The following PPFIBP2 variants were observed in gnomAD, a reference collection of about 807,000 sequenced individuals.
PPFIBP2 encodes PPFIB scaffold protein 2.
PPFIBP2 carries 118 observed loss-of-function variants against 118.3 expected under a neutral mutation model. The observed-to-expected ratio is 1.00, with a 90% CI of 0.86 to 1.16. The LOEUF (loss-of-function observed/expected upper bound fraction) is 1.16, where lower values mean the gene tolerates loss of function less well. Among genes scored for constraint, PPFIBP2 ranks in the 50% most tolerant of loss-of-function variants. PPFIBP2 has a pLI of 0.00. For synonymous variants in PPFIBP2, 414 were observed against 397.4 expected (o/e 1.04, Z -0.50); for missense variants, 1,195 against 1,073.1 (o/e 1.11, Z -1.59).
chr11:7,634,580 T>C, intron 13 of PPFIBP2, 28 bp downstream of exon 13: 1 of 1,591,842 alleles, frequency 6.3e-7, no homozygotes, highest in Non-Finnish European at 8.6e-7. Flanking sequence ...TCCTTAAAGA[T>C]GACTGAGTTA....
At chr11:7,607,137 C>T (rs1847471484) in intron 5 of PPFIBP2, among the ~76,000 whole-genome samples, 1 of 150,534 alleles carries the variant, frequency 6.6e-6, no homozygotes, top group Admixed American at 6.6e-5. Flanking sequence ...GTCTCAATCT[C>T]CTGACCTCGT....
At chr11:7,562,442 A>G (rs577999163) in intron 2 of PPFIBP2, among the ~76,000 whole-genome samples, 6 of 152,234 alleles carry the variant, frequency 3.9e-5, no homozygotes, top group Non-Finnish European at 8.8e-5. Flanking sequence ...AAGGAGTCAC[A>G]GTGCTCTTTA....
intron 1 of PPFIBP2, among the ~76,000 whole-genome samples, chr11:7,518,772 CTT>C (rs954973159): frequency 6.6e-6 from 1 of 152,160 alleles, no homozygotes; most frequent in African/African-American, 2.4e-5. Context: ...AACATGAACT[CTT>C]AACAATACCT....
In PPFIBP2 at chr11:7,548,866, T is replaced by C. The variant is rs554760163; in HGVS notation, c.-36-574T>C. ...GTGCTGTCTCTACATCCTTGTGGCC[T>C]GTAGACTTCCTAGGCAGTGCACCCT... On this transcript the variant is annotated intron_variant, in intron 1 of 23. Coordinates refer to ENST00000299492, the MANE Select transcript of PPFIBP2 (RefSeq NM_003621.5). 2.0e-5 allele frequency among the ~76,000 whole-genome samples: 3 copies of C among 152,240 alleles called. No individual in the cohort carries two copies. In the East Asian group the frequency reaches 5.8e-4, roughly 29 times the overall value.
In PPFIBP2 at chr11:7,648,511, A is replaced by G. The variant is rs750628832; in HGVS notation, c.1771A>G (p.Thr591Ala). 2 of 1,613,866 alleles carry G rather than the reference A, an allele frequency of 1.2e-6. No individual in the cohort carries two copies. Among genetic ancestry groups the G allele is most frequent in the Admixed American group, 1.7e-5 (1 of 59,990 alleles). Residue 591 changes from threonine (T) to alanine (A), a missense_variant, in exon 18 of 24, where the codon ACA becomes GCA. By Grantham distance (58) the Thr-to-Ala change is moderately conservative (BLOSUM62 0). Coordinates refer to ENST00000299492, the MANE Select transcript of PPFIBP2 (RefSeq NM_003621.5). ...GGTATCTTCTGGCCACACCTTATTG[A>G]CAGCCACCCCTCAGGACATGGAAAA... ...QWVSSGHTLLTATPQDMEKEL... is the reference protein window; with the variant it reads ...QWVSSGHTLLAATPQDMEKEL...
chr11:7,548,062 C>T (rs982281780), intron 1 of PPFIBP2, among the ~76,000 whole-genome samples: 1 of 152,162 alleles, frequency 6.6e-6, no homozygotes, highest in Non-Finnish European at 1.5e-5. Context: ...AAGGAATGTG[C>T]TTAGTGCTCT....
intron 7 of PPFIBP2, among the ~76,000 whole-genome samples, chr11:7,622,296 G>T (rs139276815): frequency 6.6e-6 from 1 of 152,312 alleles, no homozygotes; most frequent in Non-Finnish European, 1.5e-5. Flanking sequence ...CACCAAGAGG[G>T]TGGTGCCACC....
intron 6 of PPFIBP2, among the ~76,000 whole-genome samples, chr11:7,619,213 T>C (rs76240628): frequency 0.017 from 2,575 of 152,288 alleles, 80 homozygotes; most frequent in African/African-American, 0.059. Flanking sequence ...TTGCAAATTA[T>C]GTAGGAGGTA....
intron 17 of PPFIBP2, 170 bp from the exon 18 acceptor site, chr11:7,648,217 G>A: frequency 1.5e-6 from 1 of 650,262 alleles, no homozygotes; most frequent in African/African-American, 1.8e-5. Context: ...TCCTATGAGT[G>A]TGTTGTAGTG....
At chr11:7,570,630 G>A (rs918662365) in intron 3 of PPFIBP2, among the ~76,000 whole-genome samples, 13 of 152,162 alleles carry the variant, frequency 8.5e-5, no homozygotes, top group African/African-American at 3.1e-4. Context: ...TGGAACTGGG[G>A]TACATGGAGT....
chr11:7,655,857 C>A (rs1854637917), downstream of PPFIBP2, among the ~76,000 whole-genome samples: 1 of 152,142 alleles, frequency 6.6e-6, no homozygotes, highest in South Asian at 2.1e-4. Context: ...CAGGCTGCAT[C>A]CTGTCCTAGT....
At chr11:7,617,440 A>G (rs901839356) in intron 6 of PPFIBP2, 6 of 427,526 alleles carry the variant, frequency 1.4e-5, no homozygotes, top group Non-Finnish European at 1.6e-5. Context: ...GACTCACTCA[A>G]TCCTCTTGGG....
At chr11:7,621,565 A>G (rs1849359530) in intron 7 of PPFIBP2, among the ~76,000 whole-genome samples, 1 of 152,250 alleles carries the variant, frequency 6.6e-6, no homozygotes, top group South Asian at 2.1e-4. Flanking sequence ...ATTGTGAAAT[A>G]AATTTCTTCC....
At chr11:7,662,277 G>C in the PPFIBP2 span, among the ~76,000 whole-genome samples, 8 of 152,290 alleles carry the variant, frequency 5.3e-5, no homozygotes, top group East Asian at 1.3e-3. Context: ...ATTTTGCAGC[G>C]ACTGGTACCG....
chr11:7,589,649 C>T (rs1328690809), intron 3 of PPFIBP2, among the ~76,000 whole-genome samples: 1 of 152,048 alleles, frequency 6.6e-6, no homozygotes. Flanking sequence ...CACGTAGCAT[C>T]CTTCAGAATT....
intron 3 of PPFIBP2, among the ~76,000 whole-genome samples, chr11:7,574,391 G>A (rs1856022600): frequency 1.3e-5 from 2 of 152,058 alleles, no homozygotes; most frequent in Non-Finnish European, 2.9e-5. Context: ...CCAGGCCCCC[G>A]AGCTCCCAAT....
At chr11:7,556,231 G>A (rs963851185) in intron 2 of PPFIBP2, among the ~76,000 whole-genome samples, 3 of 152,152 alleles carry the variant, frequency 2.0e-5, no homozygotes, top group African/African-American at 7.2e-5. Context: ...CGAGGCGGGC[G>A]AATCACGAGG....
Position 7,565,545 on chromosome 11 carries a change from C to T in PPFIBP2, c.65-8C>T, listed in dbSNP as rs375072378. The T allele has an allele frequency of 3.1e-6, 5 of 1,613,956 alleles. No homozygotes were observed. The African/African-American group carries it at 5.3e-5, about 17-fold the overall frequency. On this transcript the variant is annotated splice_polypyrimidine_tract_variant and splice_region_variant and intron_variant, in intron 2 of 23. Transcript: ENST00000299492. ...TCTTACTGAGTTTTCACCTCTCTCT[C>T]ATTGCAGGCACTAAAACAGGTGCAG...
chr11:7,609,781 C>G (rs1847842032), intron 5 of PPFIBP2, among the ~76,000 whole-genome samples: 1 of 152,200 alleles, frequency 6.6e-6, no homozygotes, highest in Non-Finnish European at 1.5e-5. Flanking sequence ...ATTCAACACT[C>G]TTTGCACATC....
Sources: gnomAD v4.1 joint callset for allele counts (sites outside exome capture counted in the v4.1 genomes callset) on GRCh38, gnomAD v4.1.1 for gene constraint, MANE v1.5 for transcripts, NCBI Gene and HGNC (gene_info 2026-07-23, HGNC 2026-07-21) for gene names.